ARHGAP11B: variants seen among roughly 807,000 people sequenced by gnomAD.
The protein encoded by ARHGAP11B is inactive Rho GTPase-activating protein 11B.
A neutral mutation model predicts 27.6 loss-of-function variants in ARHGAP11B; 14 were observed. The ratio of observed to expected loss-of-function variants is 0.51; its 90% CI spans 0.34 to 0.79. The LOEUF (loss-of-function observed/expected upper bound fraction) is 0.79, where lower values mean the gene tolerates loss of function less well. ARHGAP11B is among the 30% of genes least tolerant of loss of function. ARHGAP11B has a pLI of 0.02. For synonymous variants in ARHGAP11B, 82 were observed against 114.1 expected (o/e 0.72, Z 1.80); for missense variants, 245 against 320.1 (o/e 0.77, Z 1.79).
At chr15:30,639,134 G>T (rs1440695547) in intron 7 of ARHGAP11B, among the ~76,000 whole-genome samples, 1 of 152,020 alleles carries the variant, frequency 6.6e-6, no homozygotes, top group Non-Finnish European at 1.5e-5. Flanking sequence ...TTTATCTTAG[G>T]ACTAGAAGTT....
chr15:30,630,613 A>G (rs948636091), intron 1 of ARHGAP11B, 90 bp from the exon 2 acceptor site: 1 of 1,567,228 alleles, frequency 6.4e-7, no homozygotes, highest in African/African-American at 1.4e-5. Flanking sequence ...ATTTTTTTTA[A>G]TTTCCTGAGT....
At chr15:30,639,547 T>C (rs566680921) in intron 7 of ARHGAP11B, among the ~76,000 whole-genome samples, 1 of 152,064 alleles carries the variant, frequency 6.6e-6, no homozygotes, top group East Asian at 1.9e-4. Context: ...GAAGAAATTA[T>C]GTAAAGCTTT....
intron 6 of ARHGAP11B, among the ~76,000 whole-genome samples, chr15:30,638,160 T>C (rs2060293211): frequency 6.6e-6 from 1 of 150,592 alleles, no homozygotes; most frequent in Admixed American, 6.6e-5. Context: ...CTCAAGTATC[T>C]CACACACATA....
At chr15:30,642,486 A>C (rs981582461) in intron 7 of ARHGAP11B, among the ~76,000 whole-genome samples, 13 of 152,066 alleles carry the variant, frequency 8.5e-5, no homozygotes, top group African/African-American at 2.4e-4. Context: ...AATTACATTC[A>C]GGAGTCAGGT....
intron 7 of ARHGAP11B, among the ~76,000 whole-genome samples, chr15:30,639,402 T>A (rs2060301684): frequency 6.6e-6 from 1 of 151,284 alleles, no homozygotes; most frequent in Non-Finnish European, 1.5e-5. Context: ...CTGCTGTCTC[T>A]TAAGAGTCTT....
At position 30,644,811 on chromosome 15, in the gene ARHGAP11B, G is replaced by C; in HGVS notation, c.*142+109G>C. On this transcript the variant is annotated intron_variant, in intron 8 of 10. Transcript: ENST00000428041. ...GTATGTGAATAACTAAATTTATTTT[G>C]TCTTGACAATTGGTTATATTCTTGG... is the stretch of plus-strand genomic sequence containing the variant. 5 of 1,003,682 alleles carry C rather than the reference G, an allele frequency of 5.0e-6. No homozygotes were observed. The South Asian group carries it at 5.4e-5, about 11-fold the overall frequency. 62.2% of individuals were successfully genotyped at this position (1,003,682 alleles called of 1,614,324 possible).
At chr15:30,637,769 T>G (rs1383786619) in intron 6 of ARHGAP11B, among the ~76,000 whole-genome samples, 5 of 151,364 alleles carry the variant, frequency 3.3e-5, no homozygotes, top group Non-Finnish European at 7.4e-5. Context: ...TTCTTGGTCT[T>G]TATGCCTCCT....
At chr15:30,640,538 T>C (rs1334124923) in intron 7 of ARHGAP11B, among the ~76,000 whole-genome samples, 1 of 150,438 alleles carries the variant, frequency 6.6e-6, no homozygotes, top group Non-Finnish European at 1.5e-5. Context: ...AATGAAACTC[T>C]AAGCCCAGGG....
intron 2 of ARHGAP11B, among the ~76,000 whole-genome samples, chr15:30,631,035 A>T (rs916643213): frequency 2.0e-5 from 3 of 151,732 alleles, no homozygotes; most frequent in Non-Finnish European, 4.4e-5. Context: ...AGCCAGGGAA[A>T]TGAAGAAGAA....
intron 7 of ARHGAP11B, among the ~76,000 whole-genome samples, chr15:30,639,768 T>G (rs571557044): frequency 2.6e-5 from 4 of 152,028 alleles, no homozygotes; most frequent in African/African-American, 9.7e-5. Context: ...ATCTCTTCAA[T>G]AGCAGTTCTA....
intron 9 of ARHGAP11B, chr15:30,646,396 T>C (rs1252167414): frequency 1.1e-5 from 2 of 189,380 alleles, no homozygotes; most frequent in African/African-American, 4.7e-5. Context: ...ATGAAAAAAC[T>C]GATTTATCAT....
At position 30,638,830 on chromosome 15, in the gene ARHGAP11B, T is replaced by C; in HGVS notation, c.*78+10T>C. ...CAACAAGAAAGAATTGGTAGGTATT[T>C]ATTATATGCATTTATTTAAATTAAA... On this transcript the variant is annotated intron_variant, in intron 7 of 10. Transcript: ENST00000428041. 1 of 1,329,992 alleles carries C rather than the reference T, an allele frequency of 7.5e-7. No individual in the cohort carries two copies. 82.4% of individuals were successfully genotyped at this position (1,329,992 alleles called of 1,614,324 possible). A position where few individuals can be genotyped will look rare whatever the true frequency, so the allele number is the denominator to read the frequency against.
chr15:30,646,653 T>C (rs1435398493), intron 9 of ARHGAP11B, among the ~76,000 whole-genome samples: 4 of 138,932 alleles, frequency 2.9e-5, no homozygotes, highest in Non-Finnish European at 4.6e-5. Flanking sequence ...ACAGCGAGAC[T>C]CCGTCTCAAA....
At position 30,626,551 on chromosome 15, in the gene ARHGAP11B, G is replaced by A. The variant is rs904606812; in HGVS notation, c.-270G>A. 104 of 511,950 alleles carry A rather than the reference G, an allele frequency of 2.0e-4. No homozygotes were observed. Among genetic ancestry groups the A allele is most frequent in the Non-Finnish European group, 3.8e-5 (11 of 292,940 alleles). 31.7% of individuals were successfully genotyped at this position (511,950 alleles called of 1,614,324 possible). A position where few individuals can be genotyped will look rare whatever the true frequency, so the allele number is the denominator to read the frequency against. On this transcript the variant is annotated 5_prime_UTR_variant, in exon 1 of 11. It adds an upstream start codon to the 5' untranslated region. Coordinates refer to ENST00000428041, the Ensembl canonical transcript of ARHGAP11B. ...CTATGTGAGTAGCTGAAAGCATTGG[G>A]TGACCAGAAAGAAGGTCGCTGTAAG... is the stretch of plus-strand genomic sequence containing the variant.
At chr15:30,626,737 T>G (rs2060209948) in exon 1 of ARHGAP11B, 46 of 1,515,078 alleles carry the variant, frequency 3.0e-5, no homozygotes, top group Non-Finnish European at 4.0e-5. Context: ...AGTTCAAATT[T>G]GAGAGCGTTT....
At chr15:30,626,534 G>A (rs1343889142) in exon 1 of ARHGAP11B, 4 of 476,394 alleles carry the variant, frequency 8.4e-6, no homozygotes, top group African/African-American at 5.9e-5. Flanking sequence ...GTCTATGTGA[G>A]TAGCTGAAAG....
exon 1 of ARHGAP11B, chr15:30,626,373 C>T (rs565889843): frequency 2.2e-4 from 34 of 156,200 alleles, no homozygotes; most frequent in African/African-American, 7.9e-4. Context: ...CCCAGTTGAG[C>T]CTGCTGGGGC....
intron 10 of ARHGAP11B, among the ~76,000 whole-genome samples, chr15:30,647,991 C>T (rs1013769669): frequency 2.0e-5 from 3 of 151,908 alleles, no homozygotes; most frequent in African/African-American, 7.2e-5. Context: ...GAGACAAGGT[C>T]TCTCTCTATG....
intron 6 of ARHGAP11B, among the ~76,000 whole-genome samples, chr15:30,638,288 T>C (rs1472213222): frequency 6.6e-6 from 1 of 152,066 alleles, no homozygotes; most frequent in African/African-American, 2.4e-5. Context: ...TGAGCAACTT[T>C]AGTCAAACGG....
Sources: allele counts gnomAD v4.1 joint callset (sites outside exome capture counted in the v4.1 genomes callset), GRCh38; gene constraint gnomAD v4.1.1; transcripts MANE v1.5; gene names NCBI Gene and HGNC (gene_info 2026-07-23, HGNC 2026-07-21).